Variants in DCTN6 observed in about 807,000 individuals in gnomAD.
The protein encoded by DCTN6 is dynactin subunit 6.
Under a neutral mutation model 25.8 loss-of-function variants are expected in DCTN6, and 15 were observed. The observed-to-expected ratio is 0.58, with a 90% CI of 0.39 to 0.89. The LOEUF (loss-of-function observed/expected upper bound fraction) is 0.89, where lower values mean the gene tolerates loss of function less well. Ranked by LOEUF, DCTN6 falls within the 40% of genes least tolerant of loss-of-function variation. The pLI is 0.00. For synonymous variants in DCTN6, 64 were observed against 78.3 expected (o/e 0.82, Z 0.96); for missense variants, 198 against 237.6 (o/e 0.83, Z 1.09).
chr8:30,182,014 A>G (rs1412174170), intron 6 of DCTN6, among the ~76,000 whole-genome samples: 1 of 152,130 alleles, frequency 6.6e-6, no homozygotes, highest in African/African-American at 2.4e-5. Flanking sequence ...TATTTTAAGC[A>G]AGTATTACTC....
Position 30,180,559 on chromosome 8 carries a change from G to A in DCTN6, c.403G>A (p.Glu135Lys), listed in dbSNP as rs758874465. ...IGACCNLNTFEVIPENTVIYG... is the reference protein window; with the variant it reads ...IGACCNLNTFKVIPENTVIYG... Reference sequence around the variant, plus strand: ...GGCTTGTTGCAACCTAAATACATTTGAAGTCATCCCTGAGAATACGGTGAT... The same window carrying A: ...GGCTTGTTGCAACCTAAATACATTTAAAGTCATCCCTGAGAATACGGTGAT... The change falls in exon 6 of 7, where the codon GAA becomes AAA. Residue 135 changes from glutamate (E) to lysine (K), a missense_variant. Transcript: ENST00000221114. 19 of 1,614,074 alleles carry A rather than the reference G, an allele frequency of 1.2e-5. No individual in the cohort carries two copies. Among genetic ancestry groups the A allele is most frequent in the South Asian group, 2.2e-5 (2 of 91,084 alleles).
intron 2 of DCTN6, among the ~76,000 whole-genome samples, chr8:30,169,695 G>A (rs1199044371): frequency 6.6e-6 from 1 of 152,184 alleles, no homozygotes; most frequent in Non-Finnish European, 1.5e-5. Context: ...TGATCTAGGT[G>A]TAATAAAAGT....
chr8:30,178,142 C>A (rs899671607), intron 4 of DCTN6, among the ~76,000 whole-genome samples: 18 of 151,996 alleles, frequency 1.2e-4, no homozygotes, highest in African/African-American at 4.1e-4. Flanking sequence ...GTCTCCAGTT[C>A]TTTTGCTTAG....
intron 1 of DCTN6, among the ~76,000 whole-genome samples, chr8:30,160,847 T>C (rs990722934): frequency 6.6e-6 from 1 of 152,216 alleles, no homozygotes; most frequent in Non-Finnish European, 1.5e-5. Flanking sequence ...TGCGACTGTA[T>C]GCACTTTGTG....
intron 1 of DCTN6, among the ~76,000 whole-genome samples, chr8:30,156,737 C>A (rs965272551): frequency 6.6e-6 from 1 of 152,164 alleles, no homozygotes; most frequent in African/African-American, 2.4e-5. Context: ...TGGGGAAGGC[C>A]GGCTCCCTTC....
At chr8:30,172,439 G>C (rs997868362) in intron 2 of DCTN6, among the ~76,000 whole-genome samples, 1 of 142,998 alleles carries the variant, frequency 7.0e-6, no homozygotes, top group Non-Finnish European at 1.5e-5. Context: ...AGTTTATATG[G>C]AGTGATATTT....
At chr8:30,171,009 CTTAT>C (rs764605478) in intron 2 of DCTN6, among the ~76,000 whole-genome samples, 3 of 151,940 alleles carry the variant, frequency 2.0e-5, no homozygotes, top group Non-Finnish European at 4.4e-5. Context: ...AAAAAGTGTG[CTTAT>C]TTGTTTGAGT....
At chr8:30,163,664 C>T (rs1429421742) in intron 1 of DCTN6, among the ~76,000 whole-genome samples, 1 of 151,418 alleles carries the variant, frequency 6.6e-6, no homozygotes, top group Non-Finnish European at 1.5e-5. Context: ...GTATTAAAAC[C>T]TTACCCTCTT....
At chr8:30,156,690 G>A (rs570951322) in intron 1 of DCTN6, among the ~76,000 whole-genome samples, 3 of 152,322 alleles carry the variant, frequency 2.0e-5, no homozygotes, top group Admixed American at 6.5e-5. Context: ...GGGAGGGCGG[G>A]GGGGGCTGTG....
At chr8:30,165,863 GAA>G (rs376651362) in intron 2 of DCTN6, 4 of 130,704 alleles carry the variant, frequency 3.1e-5, no homozygotes, top group Non-Finnish European at 3.3e-5. Flanking sequence ...CTCCTTCTCA[GAA>G]AAAAAAAAAA....
At chr8:30,163,007 A>G (rs1469396377) in intron 1 of DCTN6, among the ~76,000 whole-genome samples, 2 of 150,288 alleles carry the variant, frequency 1.3e-5, no homozygotes, top group Non-Finnish European at 3.0e-5. Flanking sequence ...TTTTTTTAAG[A>G]GATGAGGTCG....
At chr8:30,176,958 G>A in intron 3 of DCTN6, 168 bp from the exon 4 acceptor site, 2 of 530,600 alleles carry the variant, frequency 3.8e-6, no homozygotes, top group Non-Finnish European at 6.7e-6. Context: ...GGGTGATAGA[G>A]TGAGATTCCA....
intron 1 of DCTN6, among the ~76,000 whole-genome samples, chr8:30,159,547 T>G (rs1375763575): frequency 6.6e-6 from 1 of 152,202 alleles, no homozygotes; most frequent in African/African-American, 2.4e-5. Context: ...CTTATGAGCT[T>G]CAGAATCTGT....
chr8:30,183,314 A>G lies in DCTN6; in HGVS notation c.*141A>G, dbSNP rs1383454522. 1.3e-5 allele frequency: 7 copies of G among 538,086 alleles called. No homozygotes were observed. The highest frequency in any genetic ancestry group is 2.2e-5 in the Non-Finnish European group (7 of 313,154). 33.3% of individuals were successfully genotyped at this position (538,086 alleles called of 1,614,324 possible). On this transcript the variant is annotated 3_prime_UTR_variant, in exon 7 of 7. Coordinates refer to ENST00000221114, the MANE Select transcript of DCTN6 (RefSeq NM_006571.4). ...GTAAAATTGGGTTGAGAGGAAACTA[A>G]TGGAGTTTCATTGTAACTGTCCTTT...
intron 1 of DCTN6, among the ~76,000 whole-genome samples, chr8:30,163,759 A>G (rs1803627865): frequency 6.7e-6 from 1 of 149,378 alleles, no homozygotes; most frequent in Admixed American, 6.7e-5. Context: ...CTTGAGTGCA[A>G]TGGCGCGATC....
chr8:30,163,921 C>T (rs13249436), intron 1 of DCTN6, among the ~76,000 whole-genome samples, 190 bp from the exon 2 acceptor site: 21,836 of 151,818 alleles, frequency 0.14, 1,865 homozygotes, highest in East Asian at 0.26. Context: ...AGGCTGGTGT[C>T]GAACTCCTGA....
At chr8:30,162,259 G>C (rs1008400220) in intron 1 of DCTN6, among the ~76,000 whole-genome samples, 2 of 151,832 alleles carry the variant, frequency 1.3e-5, no homozygotes, top group African/African-American at 4.8e-5. Context: ...GCTAATTTTT[G>C]TATTTTTAGT....
At chr8:30,167,256 T>C (rs546077469) in intron 2 of DCTN6, among the ~76,000 whole-genome samples, 2 of 152,174 alleles carry the variant, frequency 1.3e-5, no homozygotes, top group African/African-American at 2.4e-5. Flanking sequence ...ATTGCACCAC[T>C]GTACTCCAGC....
At chr8:30,162,601 T>A (rs549769835) in intron 1 of DCTN6, among the ~76,000 whole-genome samples, 7 of 152,226 alleles carry the variant, frequency 4.6e-5, no homozygotes, top group Admixed American at 1.3e-4. Context: ...AATGGAGAAG[T>A]CATTTGATGT....
Sources: allele counts gnomAD v4.1 joint callset (sites outside exome capture counted in the v4.1 genomes callset), GRCh38; gene constraint gnomAD v4.1.1; transcripts MANE v1.5; gene names NCBI Gene and HGNC (gene_info 2026-07-23, HGNC 2026-07-21).